BCAS3: variants seen among roughly 807,000 people sequenced by gnomAD.
BCAS3 encodes BCAS4/BCAS3 fusion.
A neutral mutation model predicts 116.1 loss-of-function variants in BCAS3; 53 were observed. That is an observed-to-expected ratio of 0.46 (90% CI 0.37 to 0.57). The LOEUF is 0.57. BCAS3 is among the 20% of genes least tolerant of loss of function. The pLI, the probability that BCAS3 is intolerant of heterozygous loss-of-function variation, is 0.00. For synonymous variants in BCAS3, 391 were observed against 408.2 expected, an observed-to-expected ratio of 0.96 and a Z score of 0.51; for missense variants, 917 against 1,165.4, an observed-to-expected ratio of 0.79 and a Z score of 3.10.
At chr17:60,815,350 G>T (rs2144657889) in intron 7 of BCAS3, among the ~76,000 whole-genome samples, 1 of 152,096 alleles carries the variant, frequency 6.6e-6, no homozygotes, top group Non-Finnish European at 1.5e-5. Context: ...TATAAATGAC[G>T]AGTTAATGGG....
intron 5 of BCAS3, among the ~76,000 whole-genome samples, chr17:60,741,226 A>C (rs2041518238): frequency 6.6e-6 from 1 of 152,172 alleles, no homozygotes; most frequent in African/African-American, 2.4e-5. Flanking sequence ...GGATGTAAGA[A>C]GAGCTGTTCA....
chr17:60,881,409 A>C (rs537335003), intron 9 of BCAS3, among the ~76,000 whole-genome samples: 81 of 152,032 alleles, frequency 5.3e-4, no homozygotes, highest in African/African-American at 1.8e-3. Context: ...GAAAATTTAC[A>C]GTATTTCATT....
rs1375494521 is a variant in BCAS3, at chr17:61,376,548, C to T, written c.2593+8054C>T. On this transcript the variant is annotated intron_variant, in intron 23 of 23. Transcript: ENST00000407086. The surrounding 1 kb of genome is among the most constrained non-coding windows in gnomAD (Gnocchi z 4.5). ...TCTCCAGGATCCCCAGTGTGGCCGC[C>T]CATGAGACCCAGTCTTGTCTTTTAA... Among the ~76,000 whole-genome samples the T allele has an allele frequency of 1.3e-5, 2 of 152,188 alleles. No individual in the cohort carries two copies. The highest frequency in any genetic ancestry group is 2.4e-5 in the African/African-American group (1 of 41,434).
chr17:60,935,104 ACAATG>A (rs1022166359), intron 13 of BCAS3, among the ~76,000 whole-genome samples: 3 of 152,182 alleles, frequency 2.0e-5, no homozygotes, highest in Admixed American at 6.5e-5. Flanking sequence ...GTAGAGGAAT[ACAATG>A]CAATGCAATG....
chr17:60,942,191 T>C (rs1490226588), intron 13 of BCAS3, among the ~76,000 whole-genome samples: 1 of 152,132 alleles, frequency 6.6e-6, no homozygotes, highest in African/African-American at 2.4e-5. Flanking sequence ...TTTGGGAGGC[T>C]GAGGTGGGCA....
chr17:61,231,870 A>AG, intron 22 of BCAS3, among the ~76,000 whole-genome samples: 1 of 12,744 alleles, frequency 7.8e-5, no homozygotes, highest in East Asian at 0.015. Flanking sequence ...ACCCTGTCTC[A>AG]AAAAAAAAAA....
chr17:60,787,962 T>C (rs2144523718), intron 6 of BCAS3, among the ~76,000 whole-genome samples: 1 of 151,970 alleles, frequency 6.6e-6, no homozygotes, highest in African/African-American at 2.4e-5. Flanking sequence ...AGATGAATGG[T>C]TTCACCATAG....
At chr17:61,001,671 G>A (rs1354640919) in intron 15 of BCAS3, among the ~76,000 whole-genome samples, 1 of 151,912 alleles carries the variant, frequency 6.6e-6, no homozygotes, top group Non-Finnish European at 1.5e-5. Context: ...TCTTGTGGGG[G>A]GATATCTTAG....
rs541210677 is a variant in BCAS3, at chr17:61,151,574, C to T, written c.2425+67010C>T. 5.3e-5 allele frequency among the ~76,000 whole-genome samples: 8 copies of T among 152,170 alleles called. No individual in the cohort carries two copies. The highest frequency in any genetic ancestry group is 1.4e-4 in the African/African-American group (6 of 41,520). On this transcript the variant is annotated intron_variant, in intron 22 of 23. Transcript: ENST00000407086. The surrounding 1 kb of genome is among the most constrained non-coding windows in gnomAD (Gnocchi z 4.8). ...CTCAACCTCCCTGGCTCAAGTGATC[C>T]TTCCAGTTCAGTCTCCCATGTAGCT... is the stretch of plus-strand genomic sequence containing the variant.
In BCAS3 at chr17:61,234,956, C is replaced by T. The variant is rs529135853; in HGVS notation, c.2426-133371C>T. On this transcript the variant is annotated intron_variant, in intron 22 of 23. Transcript: ENST00000407086. Reference sequence around the variant, plus strand: ...AGGGAGGAGTGCAGTGGCATGATCTCGGCTCACTGCAACTTCCACCTCCTG... The same window carrying T: ...AGGGAGGAGTGCAGTGGCATGATCTTGGCTCACTGCAACTTCCACCTCCTG... Among the ~76,000 whole-genome samples the T allele has an allele frequency of 2.1e-4, 32 of 152,192 alleles. No homozygotes were observed. In the South Asian group the frequency reaches 3.5e-3, roughly 17 times the overall value.
chr17:60,698,711 C>T (rs1297989190), intron 4 of BCAS3, among the ~76,000 whole-genome samples: 1 of 151,996 alleles, frequency 6.6e-6, no homozygotes, highest in Non-Finnish European at 1.5e-5. Context: ...TAAAGTATAC[C>T]TAACTTGTTT....
rs111420201 is a variant in BCAS3, at chr17:61,020,114, T to C, written c.1637+4213T>C. On this transcript the variant is annotated intron_variant, in intron 16 of 23. Transcript: ENST00000407086. This position sits in a 1 kb window ranked among gnomAD's most constrained non-coding sequence, Gnocchi z 4.5. ...ATGGTCATAAAATAACCATAAAGTG[T>C]TATATTTCTAAAGTAGAGATTTCTA... Among the ~76,000 whole-genome samples the C allele has an allele frequency of 0.017, 2,572 of 152,308 alleles. 74 individuals are homozygous for C. The highest frequency in any genetic ancestry group is 0.057 in the African/African-American group (2,378 of 41,554).
At chr17:61,172,945 G>A (rs1054429063) in intron 22 of BCAS3, among the ~76,000 whole-genome samples, 7 of 145,342 alleles carry the variant, frequency 4.8e-5, no homozygotes, top group Non-Finnish European at 9.1e-5. Context: ...CTGAGATGAC[G>A]CCACTGCACT....
At chr17:60,757,874 T>C (rs2043152943) in intron 6 of BCAS3, among the ~76,000 whole-genome samples, 1 of 152,160 alleles carries the variant, frequency 6.6e-6, no homozygotes, top group African/African-American at 2.4e-5. Context: ...TATATATATT[T>C]AGTAGTCTTA....
At chr17:60,957,969 G>A (rs969910422) in intron 14 of BCAS3, among the ~76,000 whole-genome samples, 1 of 152,226 alleles carries the variant, frequency 6.6e-6, no homozygotes, top group South Asian at 2.1e-4. Flanking sequence ...ACAATGAACA[G>A]TAGTTTTCTA....
Position 61,248,998 on chromosome 17 carries a change from A to C in BCAS3, c.2426-119329A>C, listed in dbSNP as rs1015594676. On this transcript the variant is annotated intron_variant, in intron 22 of 23. Transcript: ENST00000407086. The surrounding 1 kb of genome is among the most constrained non-coding windows in gnomAD (Gnocchi z 4.3). ...TGCAAAAATTTGTTTTTAAAATAAG[A>C]AACTTGGCTGGGCTTGGTGGCTCAC... Among the ~76,000 whole-genome samples the C allele has an allele frequency of 6.6e-6, 1 of 152,156 alleles. No individual in the cohort carries two copies. The highest frequency in any genetic ancestry group is 2.4e-5 in the African/African-American group (1 of 41,434).
At chr17:60,885,805 G>C (rs1202344435) in intron 9 of BCAS3, among the ~76,000 whole-genome samples, 2 of 142,432 alleles carry the variant, frequency 1.4e-5, no homozygotes, top group South Asian at 2.2e-4. Context: ...GGTTTCTGCC[G>C]AGAGATCTGC....
chr17:61,318,150 T>C (rs1286985524), intron 22 of BCAS3, among the ~76,000 whole-genome samples: 1 of 152,188 alleles, frequency 6.6e-6, no homozygotes, highest in Non-Finnish European at 1.5e-5. Flanking sequence ...GTCAGGGCCC[T>C]GGGAGGCGAC....
At chr17:61,146,768 T>C (rs1425248411) in intron 22 of BCAS3, among the ~76,000 whole-genome samples, 1 of 152,170 alleles carries the variant, frequency 6.6e-6, no homozygotes, top group Non-Finnish European at 1.5e-5. Flanking sequence ...CTTTGCTGAA[T>C]TGAGGTTGAT....
Sources: gnomAD v4.1 joint callset for allele counts (sites outside exome capture counted in the v4.1 genomes callset) on GRCh38, gnomAD v4.1.1 for gene constraint, Gnocchi (gnomAD v3.1) non-coding constraint, MANE v1.5 for transcripts, NCBI Gene and HGNC (gene_info 2026-07-23, HGNC 2026-07-21) for gene names.